Variants in PTPRN2 observed in about 807,000 individuals in gnomAD.
PTPRN2 encodes protein tyrosine phosphatase receptor type N2.
A neutral mutation model predicts 118.8 loss-of-function variants in PTPRN2; 74 were observed. The ratio of observed to expected loss-of-function variants is 0.62; its 90% CI spans 0.52 to 0.76. PTPRN2 has a LOEUF of 0.76. Ranked by LOEUF, PTPRN2 falls within the 30% of genes least tolerant of loss-of-function variation. The pLI is 0.00. For synonymous variants in PTPRN2, 641 were observed against 608.0 expected (o/e 1.05, Z -0.80); for missense variants, 1,481 against 1,394.4 (o/e 1.06, Z -0.99).
rs1157095868 is a variant in PTPRN2, at chr7:157,611,887, A to G, written c.2345-7812T>C. Among the ~76,000 whole-genome samples the G allele has an allele frequency of 6.3e-4, 80 of 127,448 alleles. No individual in the cohort carries two copies. Among genetic ancestry groups the G allele is most frequent in the African/African-American group, 1.1e-3 (35 of 32,726 alleles). 83.6% of individuals were successfully genotyped at this position (127,448 alleles called of 152,430 possible). ...CCCGTGTGAAGACGAAGACAGCCGC[A>G]GTCATGCTGGGGACACGCGGAGGGA... is the stretch of plus-strand genomic sequence containing the variant. On this transcript the variant is annotated intron_variant, in intron 15 of 22. Coordinates refer to ENST00000389418, the MANE Select transcript of PTPRN2 (RefSeq NM_002847.5). This position sits in a 1 kb window ranked among gnomAD's most constrained non-coding sequence, Gnocchi z 5.9.
intron 11 of PTPRN2, among the ~76,000 whole-genome samples, chr7:157,942,195 A>G (rs1800185199): frequency 5.3e-5 from 2 of 37,818 alleles, no homozygotes. Flanking sequence ...CCCTCCACAC[A>G]CAGGGGTCCT....
intron 12 of PTPRN2, among the ~76,000 whole-genome samples, chr7:157,718,484 C>A (rs1036202054): frequency 6.6e-6 from 1 of 152,204 alleles, no homozygotes; most frequent in African/African-American, 2.4e-5. Context: ...CTGCAGTCCC[C>A]GGCCTGGCTC....
chr7:158,414,603 T>C (rs1432210914), intron 2 of PTPRN2, among the ~76,000 whole-genome samples: 3 of 152,190 alleles, frequency 2.0e-5, no homozygotes, highest in African/African-American at 4.8e-5. Flanking sequence ...CGAGCTCACA[T>C]GCGGGCTGGA....
At chr7:157,702,586 GC>G (rs1798133638) in intron 12 of PTPRN2, among the ~76,000 whole-genome samples, 2 of 152,228 alleles carry the variant, frequency 1.3e-5, no homozygotes, top group African/African-American at 4.8e-5. Context: ...GTTGGTGAGA[GC>G]CCCGGGGCGG....
chr7:158,164,838 G>A (rs975133860), intron 6 of PTPRN2, among the ~76,000 whole-genome samples: 1 of 152,156 alleles, frequency 6.6e-6, no homozygotes, highest in Non-Finnish European at 1.5e-5. Context: ...TGCCGGGGAG[G>A]GGCAAGGAAG....
chr7:158,213,031 T>C (rs2150769380), intron 3 of PTPRN2, among the ~76,000 whole-genome samples: 1 of 152,290 alleles, frequency 6.6e-6, no homozygotes, highest in East Asian at 1.9e-4. Context: ...TCAAGAATAA[T>C]TATTATGCAA....
At chr7:157,669,823 G>T (rs1038369106) in intron 13 of PTPRN2, among the ~76,000 whole-genome samples, 2 of 152,178 alleles carry the variant, frequency 1.3e-5, no homozygotes, top group South Asian at 4.1e-4. Context: ...CAGAGCACCA[G>T]CCCTTTCTCG....
rs1340629730 is a variant in PTPRN2 at position 157,974,102 on chromosome 7, A to C, written c.1724-75365T>G. 1.3e-5 allele frequency among the ~76,000 whole-genome samples: 2 copies of C among 152,188 alleles called. No homozygotes were observed. The highest frequency in any genetic ancestry group is 6.5e-5 in the Admixed American group (1 of 15,278). The stretch of plus-strand genomic sequence containing the variant: ...GCACAGGCTGAGCTGCCTGACTTGC[A>C]CTGCTGGACGGTGGGTTGGCGGTGT... On this transcript the variant is annotated intron_variant, in intron 11 of 22. Transcript: ENST00000389418. This position sits in a 1 kb window ranked among gnomAD's most constrained non-coding sequence, Gnocchi z 4.0.
chr7:158,080,016 C>T (rs1347240749), intron 11 of PTPRN2, among the ~76,000 whole-genome samples: 1 of 152,106 alleles, frequency 6.6e-6, no homozygotes, highest in African/African-American at 2.4e-5. Context: ...GTATTTCAAC[C>T]ACAAATTCTC....
At chr7:158,158,362 CCCA>C (rs1822027950) in intron 6 of PTPRN2, among the ~76,000 whole-genome samples, 1 of 152,226 alleles carries the variant, frequency 6.6e-6, no homozygotes, top group Non-Finnish European at 1.5e-5. Context: ...GGCTGGGATT[CCCA>C]CCACCAACAC....
chr7:158,040,625 C>G (rs549449070), intron 11 of PTPRN2, among the ~76,000 whole-genome samples: 1 of 152,130 alleles, frequency 6.6e-6, no homozygotes, highest in Admixed American at 6.5e-5. Context: ...ACTTAAAATT[C>G]TATGTCCAGT....
chr7:158,574,308 T>C lies in PTPRN2; in HGVS notation c.112+13250A>G, dbSNP rs945928822. ...TGAATACAAAGAAGTTTTTGTATCT[T>C]CAGCAAAATATTTTAATCATTAGTG... On this transcript the variant is annotated intron_variant, in intron 1 of 22. Coordinates refer to ENST00000389418, the MANE Select transcript of PTPRN2 (RefSeq NM_002847.5). The surrounding 1 kb of genome is among the most constrained non-coding windows in gnomAD (Gnocchi z 4.6). Among the ~76,000 whole-genome samples the C allele has an allele frequency of 6.6e-6, 1 of 152,248 alleles. No individual in the cohort carries two copies. Among genetic ancestry groups the C allele is most frequent in the Admixed American group, 6.5e-5 (1 of 15,290 alleles).
intron 9 of PTPRN2, among the ~76,000 whole-genome samples, chr7:158,117,792 A>AC (rs938267845): frequency 5.9e-5 from 9 of 151,876 alleles, no homozygotes; most frequent in Non-Finnish European, 1.3e-4. Flanking sequence ...GAAAAAAAAA[A>AC]CCTGTCAACC....
intron 2 of PTPRN2, among the ~76,000 whole-genome samples, chr7:158,379,945 G>A (rs917652720): frequency 6.6e-5 from 10 of 152,076 alleles, no homozygotes; most frequent in Non-Finnish European, 1.3e-4. Flanking sequence ...AGCTTGTATG[G>A]GGAAACTCCC....
intron 2 of PTPRN2, among the ~76,000 whole-genome samples, chr7:158,336,656 T>C (rs1805607018): frequency 1.6e-5 from 2 of 128,938 alleles, no homozygotes; most frequent in Admixed American, 8.2e-5. Context: ...CACACGTCAC[T>C]CACACCCACA....
chr7:158,106,747 G>A (rs1371654906), intron 10 of PTPRN2, among the ~76,000 whole-genome samples: 1 of 152,152 alleles, frequency 6.6e-6, no homozygotes, highest in African/African-American at 2.4e-5. Context: ...CCAGGTCACA[G>A]GTTCACAGAA....
At chr7:158,226,351 G>A (rs776423218) in intron 3 of PTPRN2, among the ~76,000 whole-genome samples, 1 of 152,214 alleles carries the variant, frequency 6.6e-6, no homozygotes, top group Non-Finnish European at 1.5e-5. Flanking sequence ...AAGGTTAACT[G>A]CAAGAGAGGT....
intron 12 of PTPRN2, among the ~76,000 whole-genome samples, chr7:157,875,946 C>G (rs558487810): frequency 6.7e-6 from 1 of 149,708 alleles, no homozygotes; most frequent in East Asian, 2.0e-4. Flanking sequence ...CAGGAGGGGC[C>G]GAGCCCCCAG....
rs143192905 is a variant in PTPRN2, at chr7:158,170,364, A to G, written c.550-3073T>C. Among the ~76,000 whole-genome samples the G allele has an allele frequency of 6.0e-3, 908 of 152,298 alleles. 5 individuals carry two copies. The highest frequency in any genetic ancestry group is 0.021 in the African/African-American group (856 of 41,558). ...AGTGGCTTTCCCCTCATTGCTATGA[A>G]TGCAGTAACCTGGAGCTTCCACGCA... is the stretch of plus-strand genomic sequence containing the variant. On this transcript the variant is annotated intron_variant, in intron 5 of 22. Coordinates refer to ENST00000389418, the MANE Select transcript of PTPRN2 (RefSeq NM_002847.5).
Sources: gnomAD v4.1 joint callset for allele counts (sites outside exome capture counted in the v4.1 genomes callset) on GRCh38, gnomAD v4.1.1 for gene constraint, Gnocchi (gnomAD v3.1) non-coding constraint, MANE v1.5 for transcripts, NCBI Gene and HGNC (gene_info 2026-07-23, HGNC 2026-07-21) for gene names.